Variants in OXR1 observed in about 807,000 individuals in gnomAD.
OXR1 encodes the protein oxidation resistance protein 1.
In OXR1, 41 loss-of-function variants were observed where a neutral mutation model predicts 104.6. The ratio of observed to expected loss-of-function variants is 0.39; its 90% confidence interval spans 0.31 to 0.51. OXR1 has a LOEUF of 0.51. OXR1 is among the 20% of genes least tolerant of loss of function. The probability of loss-of-function intolerance (pLI) is 0.77; values close to 1 mark genes in which losing one functional copy is unlikely to be tolerated. For missense variants in OXR1, 955 were observed against 1,031.9 expected, an observed-to-expected ratio of 0.93 and a Z score of 1.02; for synonymous variants, 348 against 348.4, an observed-to-expected ratio of 1.00 and a Z score of 0.01.
At chr8:106,432,241 C>T (rs1450168326) in intron 2 of OXR1, among the ~76,000 whole-genome samples, 1 of 152,122 alleles carries the variant, frequency 6.6e-6, no homozygotes, top group African/African-American at 2.4e-5. Flanking sequence ...TTTTCTTCAC[C>T]CAGCAGCCAG....
At chr8:106,314,926 C>G (rs1296585024) in intron 1 of OXR1, among the ~76,000 whole-genome samples, 1 of 152,124 alleles carries the variant, frequency 6.6e-6, no homozygotes, top group African/African-American at 2.4e-5. Context: ...TTGGCTTTAA[C>G]AGTAGTGCTT....
At chr8:106,610,603 T>G (rs1053368515) in intron 3 of OXR1, among the ~76,000 whole-genome samples, 2 of 152,172 alleles carry the variant, frequency 1.3e-5, no homozygotes, top group African/African-American at 4.8e-5. Flanking sequence ...TTCGACTCCT[T>G]TCAGTGGAAG....
intron 1 of OXR1, among the ~76,000 whole-genome samples, chr8:106,339,237 T>C (rs1367290500): frequency 6.6e-6 from 1 of 151,890 alleles, no homozygotes; most frequent in Non-Finnish European, 1.5e-5. Context: ...GGCTCACGCC[T>C]GTAATCCCAG....
intron 1 of OXR1, among the ~76,000 whole-genome samples, chr8:106,312,589 G>T (rs1054754935): frequency 3.3e-5 from 5 of 152,188 alleles, no homozygotes; most frequent in Non-Finnish European, 7.3e-5. Flanking sequence ...CTACCACACT[G>T]GATGTTTACT....
intron 11 of OXR1, among the ~76,000 whole-genome samples, chr8:106,716,123 C>A (rs1270631361): frequency 1.3e-5 from 2 of 152,134 alleles, no homozygotes; most frequent in Admixed American, 1.3e-4. Flanking sequence ...ATATGATCTA[C>A]TTTTTCAACT....
At chr8:106,468,153 A>G (rs1353796607) in intron 2 of OXR1, among the ~76,000 whole-genome samples, 1 of 151,838 alleles carries the variant, frequency 6.6e-6, no homozygotes, top group Admixed American at 6.6e-5. Flanking sequence ...ACCAGCCCCC[A>G]TTCTAGGTCT....
chr8:106,614,160 C>G (rs903915879), intron 3 of OXR1, among the ~76,000 whole-genome samples: 3 of 152,166 alleles, frequency 2.0e-5, no homozygotes, highest in African/African-American at 7.2e-5. Flanking sequence ...CAAAATTACC[C>G]AAGTCTTGGA....
intron 2 of OXR1, among the ~76,000 whole-genome samples, chr8:106,473,899 A>G (rs1315443926): frequency 6.7e-6 from 1 of 148,708 alleles, no homozygotes; most frequent in African/African-American, 2.5e-5. Flanking sequence ...TTATCAATGG[A>G]AGGCAGAAAG....
chr8:106,308,807 C>A (rs904149475), intron 1 of OXR1, among the ~76,000 whole-genome samples: 1 of 152,128 alleles, frequency 6.6e-6, no homozygotes, highest in Non-Finnish European at 1.5e-5. Context: ...TAAATGTGTA[C>A]ATTTACATAG....
intron 8 of OXR1, among the ~76,000 whole-genome samples, chr8:106,704,612 G>A (rs1830961237): frequency 6.6e-6 from 1 of 151,742 alleles, no homozygotes; most frequent in Admixed American, 6.6e-5. Context: ...TGGCCAGGTT[G>A]GTCTCGAACC....
intron 3 of OXR1, among the ~76,000 whole-genome samples, chr8:106,627,310 T>C (rs1218407119): frequency 2.0e-5 from 3 of 152,148 alleles, no homozygotes; most frequent in Non-Finnish European, 4.4e-5. Flanking sequence ...CATTCATTAC[T>C]TTTTAAATGT....
chr8:106,717,696 A>C (rs1448306161), intron 11 of OXR1, among the ~76,000 whole-genome samples: 1 of 152,212 alleles, frequency 6.6e-6, no homozygotes, highest in African/African-American at 2.4e-5. Flanking sequence ...TTGTATAGGC[A>C]TATAGTTCAT....
At chr8:106,717,907 A>G (rs781594447) in intron 11 of OXR1, among the ~76,000 whole-genome samples, 1 of 152,148 alleles carries the variant, frequency 6.6e-6, no homozygotes, top group Non-Finnish European at 1.5e-5. Flanking sequence ...CTGTTTAAAC[A>G]TATTCAGTGA....
At chr8:106,433,528 T>C (rs1819446411) in intron 2 of OXR1, among the ~76,000 whole-genome samples, 1 of 152,186 alleles carries the variant, frequency 6.6e-6, no homozygotes. Flanking sequence ...AGGGCTGTTA[T>C]CAATTTTGTT....
chr8:106,461,398 C>T (rs1373055218), intron 2 of OXR1, among the ~76,000 whole-genome samples: 1 of 151,896 alleles, frequency 6.6e-6, no homozygotes, highest in Non-Finnish European at 1.5e-5. Context: ...ATGGTGAAAC[C>T]CCATCTCTAC....
chr8:106,585,834 G>A (rs1362509996), intron 3 of OXR1, among the ~76,000 whole-genome samples: 3 of 152,162 alleles, frequency 2.0e-5, no homozygotes, highest in African/African-American at 7.2e-5. Context: ...AAGCAGGAAA[G>A]TAAGGCCTTG....
At chr8:106,547,492 C>CTTTTTTTTTTTTT (rs60073341) in intron 3 of OXR1, among the ~76,000 whole-genome samples, 4 of 116,616 alleles carry the variant, frequency 3.4e-5, no homozygotes, top group African/African-American at 6.5e-5. Flanking sequence ...TTCTTTCTTT[C>CTTTTTTTTTTTTT]TTTTTTTTTT....
chr8:106,357,400 G>A (rs983511173), intron 1 of OXR1, among the ~76,000 whole-genome samples: 9 of 152,136 alleles, frequency 5.9e-5, no homozygotes, highest in African/African-American at 2.2e-4. Flanking sequence ...CTTTTGGAAT[G>A]TAAACAGACA....
chr8:106,511,745 A>G (rs1257582751), intron 2 of OXR1, among the ~76,000 whole-genome samples: 1 of 152,226 alleles, frequency 6.6e-6, no homozygotes, highest in Non-Finnish European at 1.5e-5. Context: ...ATTATTGTAG[A>G]TAAGACTTAG....
Sources: gnomAD v4.1 joint callset for allele counts (sites outside exome capture counted in the v4.1 genomes callset) on GRCh38, gnomAD v4.1.1 for gene constraint, MANE v1.5 for transcripts, NCBI Gene and HGNC (gene_info 2026-07-23, HGNC 2026-07-21) for gene names.